CEP128: variants seen among roughly 807,000 people sequenced by gnomAD.
CEP128 encodes the protein centrosomal protein 128.
In CEP128, 132 loss-of-function variants were observed where a neutral mutation model predicts 156.7. That is an observed-to-expected ratio of 0.84 (90% CI 0.73 to 0.97). CEP128 has a LOEUF of 0.97. CEP128 is among the 50% of genes least tolerant of loss of function. CEP128 has a pLI of 0.00. For synonymous variants in CEP128, 469 were observed against 448.9 expected (o/e 1.04, Z -0.57); for missense variants, 1,252 against 1,281.9 (o/e 0.98, Z 0.36).
At chr14:80,839,985 T>C (rs1886272322) in intron 10 of CEP128, among the ~76,000 whole-genome samples, 1 of 152,132 alleles carries the variant, frequency 6.6e-6, no homozygotes, top group African/African-American at 2.4e-5. Context: ...TGGCCTAACA[T>C]ACTTCGCTTA....
At chr14:80,651,667 G>C (rs1325100543) in intron 19 of CEP128, among the ~76,000 whole-genome samples, 2 of 151,968 alleles carry the variant, frequency 1.3e-5, no homozygotes, top group Non-Finnish European at 2.9e-5. Context: ...CCTTAATTTA[G>C]TTATTTACCT....
chr14:80,565,729 T>C (rs1890884336), intron 20 of CEP128, among the ~76,000 whole-genome samples: 1 of 152,220 alleles, frequency 6.6e-6, no homozygotes, highest in South Asian at 2.1e-4. Flanking sequence ...GGATCATTTG[T>C]TATCAGAATA....
At chr14:80,955,796 T>A in intron 2 of CEP128, 1 of 1,614,038 alleles carries the variant, frequency 6.2e-7, no homozygotes, top group Non-Finnish European at 8.5e-7. Flanking sequence ...GACTTCAGAG[T>A]CACCTGCAAG....
At chr14:80,822,931 T>C (rs1595457723) in intron 13 of CEP128, 1 of 468,392 alleles carries the variant, frequency 2.1e-6, no homozygotes, top group East Asian at 4.5e-5. Context: ...GAACACTTCA[T>C]TGTTGTTTTT....
chr14:80,603,260 T>C (rs1892650175), intron 19 of CEP128, among the ~76,000 whole-genome samples: 1 of 152,334 alleles, frequency 6.6e-6, no homozygotes, highest in Non-Finnish European at 1.5e-5. Context: ...TTCCATACTA[T>C]ATTGTATCAT....
intron 2 of CEP128, among the ~76,000 whole-genome samples, chr14:80,949,379 A>G (rs1316255817): frequency 1.3e-5 from 2 of 152,178 alleles, no homozygotes; most frequent in East Asian, 1.9e-4. Context: ...CTACGTAGAG[A>G]GAAAACTTCC....
chr14:80,897,250 C>T (rs1889386839), intron 7 of CEP128, among the ~76,000 whole-genome samples: 1 of 152,122 alleles, frequency 6.6e-6, no homozygotes, highest in Non-Finnish European at 1.5e-5. Context: ...ATCTCACTAG[C>T]TATTCCATCT....
intron 19 of CEP128, among the ~76,000 whole-genome samples, chr14:80,680,346 G>A (rs1896268639): frequency 6.6e-6 from 1 of 152,124 alleles, no homozygotes; most frequent in Admixed American, 6.5e-5. Flanking sequence ...GGTATTTGGA[G>A]CACCCACTTG....
chr14:80,801,073 T>C (rs2139886546), intron 13 of CEP128, among the ~76,000 whole-genome samples: 1 of 152,314 alleles, frequency 6.6e-6, no homozygotes, highest in Admixed American at 6.5e-5. Context: ...AGTAATAGCT[T>C]GAGAGGGCTA....
chr14:80,543,445 A>C (rs1178196425), intron 21 of CEP128, among the ~76,000 whole-genome samples: 5 of 152,206 alleles, frequency 3.3e-5, no homozygotes, highest in African/African-American at 1.2e-4. Flanking sequence ...CTAATGTTAA[A>C]GGTTAAGTAT....
intron 13 of CEP128, among the ~76,000 whole-genome samples, chr14:80,815,374 T>C (rs183310193): frequency 6.6e-6 from 1 of 152,266 alleles, no homozygotes; most frequent in Non-Finnish European, 1.5e-5. Flanking sequence ...GATATCACCT[T>C]ACACCAGTCA....
intron 19 of CEP128, among the ~76,000 whole-genome samples, chr14:80,675,006 C>A (rs1315639466): frequency 1.3e-5 from 2 of 152,062 alleles, no homozygotes; most frequent in African/African-American, 2.4e-5. Flanking sequence ...AATGGAAATT[C>A]TATTCTTATG....
At chr14:80,556,049 A>G (rs1030365969) in intron 21 of CEP128, among the ~76,000 whole-genome samples, 1 of 151,850 alleles carries the variant, frequency 6.6e-6, no homozygotes, top group Non-Finnish European at 1.5e-5. Flanking sequence ...ATTGAGCCCA[A>G]TAAATTTCCA....
Position 80,520,670 on chromosome 14 carries a change from G to A in CEP128, c.3072+6199C>T, listed in dbSNP as rs546552886. Among the ~76,000 whole-genome samples the A allele has an allele frequency of 6.6e-5, 10 of 151,664 alleles. 1 individual carries two copies. The South Asian group carries it at 2.1e-3, about 32-fold the overall frequency. On this transcript the variant is annotated intron_variant, in intron 23 of 24. Transcript: ENST00000555265. Reference sequence around the variant, plus strand: ...TTCACATGACTTTAATCCATTTTCAGAAACCAAATCCACTCATAGTAGATA... The same window carrying A: ...TTCACATGACTTTAATCCATTTTCAAAAACCAAATCCACTCATAGTAGATA...
chr14:80,502,108 G>A (rs1887765072), intron 24 of CEP128, among the ~76,000 whole-genome samples: 2 of 152,152 alleles, frequency 1.3e-5, no homozygotes, highest in East Asian at 1.9e-4. Context: ...TGCCTATGGG[G>A]TAGGCCTGTT....
At chr14:80,821,622 C>T (rs993764007) in intron 13 of CEP128, among the ~76,000 whole-genome samples, 28 of 149,744 alleles carry the variant, frequency 1.9e-4, no homozygotes, top group South Asian at 2.1e-4. Flanking sequence ...CACACACACA[C>T]ACACACACAC....
chr14:80,951,107 A>T (rs1566733017), intron 2 of CEP128, among the ~76,000 whole-genome samples: 1 of 152,146 alleles, frequency 6.6e-6, no homozygotes. Context: ...ACTTTTTCAG[A>T]CACAGAAAAG....
At chr14:80,819,328 C>T (rs1885040778) in intron 13 of CEP128, among the ~76,000 whole-genome samples, 1 of 143,132 alleles carries the variant, frequency 7.0e-6, no homozygotes, top group Non-Finnish European at 1.5e-5. Flanking sequence ...CTCACTGCAA[C>T]CTCCGTCTCC....
chr14:80,840,721 T>C lies in CEP128; in HGVS notation c.810A>G (p.Ile270Met). ...TTTCAGTTTGTCTTAGCTTATTTTT[T>C]ATTGCCCCCTCATGCTCATCTGCTT... ...EAKADEHEGAIKNKLRQTETE... is the reference protein window; with the variant it reads ...EAKADEHEGAMKNKLRQTETE... Residue 270 changes from isoleucine (I) to methionine (M), a missense_variant, in exon 10 of 25, where the codon ATA becomes ATG. Physicochemically the swap from Ile to Met is conservative, Grantham distance 10 (BLOSUM62 1). Coordinates refer to ENST00000555265, the MANE Select transcript of CEP128 (RefSeq NM_152446.5). 1 of 1,611,646 alleles carries C rather than the reference T, an allele frequency of 6.2e-7. No individual in the cohort carries two copies. Among genetic ancestry groups the C allele is most frequent in the South Asian group, 1.1e-5 (1 of 90,802 alleles).
Sources: allele counts gnomAD v4.1 joint callset (sites outside exome capture counted in the v4.1 genomes callset), GRCh38; gene constraint gnomAD v4.1.1; transcripts MANE v1.5; gene names NCBI Gene and HGNC (gene_info 2026-07-23, HGNC 2026-07-21).